Variants in CEP63 observed in about 807,000 individuals in gnomAD.
The protein encoded by CEP63 is centrosomal protein of 63 kDa.
CEP63 carries 84 observed loss-of-function variants against 89.1 expected under a neutral mutation model. That is an observed-to-expected ratio of 0.94 (90% confidence interval 0.79 to 1.13). CEP63 has a LOEUF of 1.13. Ranked by LOEUF, CEP63 falls within the 50% of genes most tolerant of loss-of-function variation. The probability of loss-of-function intolerance (pLI) is 0.00; values close to 1 mark genes in which losing one functional copy is unlikely to be tolerated. For missense variants in CEP63, 838 were observed against 813.3 expected (o/e 1.03, Z -0.37); for synonymous variants, 267 against 272.5 (o/e 0.98, Z 0.20).
downstream of CEP63, among the ~76,000 whole-genome samples, chr3:134,588,391 C>T (rs541458125): frequency 6.6e-6 from 1 of 152,108 alleles, no homozygotes; most frequent in East Asian, 1.9e-4. Flanking sequence ...TAATCCTTGA[C>T]TGAGTAGAAT....
At chr3:134,546,801 C>T (rs1953447037) in intron 8 of CEP63, among the ~76,000 whole-genome samples, 1 of 152,136 alleles carries the variant, frequency 6.6e-6, no homozygotes, top group East Asian at 1.9e-4. Flanking sequence ...CAGTTAGGGT[C>T]CCTAACAGAG....
chr3:134,583,721 T>G (rs928282445), intron 10 of CEP63, among the ~76,000 whole-genome samples: 3 of 152,156 alleles, frequency 2.0e-5, no homozygotes, highest in Admixed American at 1.3e-4. Context: ...GTGAAGAAAG[T>G]CATTGGTAGC....
chr3:134,647,412 T>A, the CEP63 span: 6 of 1,573,140 alleles, frequency 3.8e-6, no homozygotes, highest in Non-Finnish European at 4.4e-6. Context: ...ATCCTATAGG[T>A]TGAAAGGAAA....
At chr3:134,489,109 C>T (rs544745802) in intron 1 of CEP63, among the ~76,000 whole-genome samples, 9 of 148,086 alleles carry the variant, frequency 6.1e-5, no homozygotes, top group Non-Finnish European at 1.3e-4. Flanking sequence ...TGCAGTGAGC[C>T]GAGATCACGC....
chr3:134,665,307 G>T, the CEP63 span, among the ~76,000 whole-genome samples: 1 of 152,202 alleles, frequency 6.6e-6, no homozygotes, highest in East Asian at 1.9e-4. Flanking sequence ...AAAGGCTACT[G>T]CATGCAAGGC....
At chr3:134,671,838 G>T in the CEP63 span, among the ~76,000 whole-genome samples, 1 of 152,148 alleles carries the variant, frequency 6.6e-6, no homozygotes, top group South Asian at 2.1e-4. Context: ...GGACATTTTA[G>T]TTGGTGGCGA....
chr3:134,558,629 C>A (rs1956739779), intron 13 of CEP63, among the ~76,000 whole-genome samples: 1 of 152,214 alleles, frequency 6.6e-6, no homozygotes, highest in Non-Finnish European at 1.5e-5. Context: ...ACCTCTTCAA[C>A]CCCATTTGCC....
At chr3:134,538,805 A>G (rs780515337) in intron 6 of CEP63, among the ~76,000 whole-genome samples, 8 of 151,758 alleles carry the variant, frequency 5.3e-5, no homozygotes, top group Non-Finnish European at 1.2e-4. Flanking sequence ...TTATTTATCC[A>G]TGGAGTATTA....
At chr3:134,593,687 C>T in the CEP63 span, among the ~76,000 whole-genome samples, 8 of 152,306 alleles carry the variant, frequency 5.3e-5, no homozygotes, top group South Asian at 1.7e-3. Context: ...TGGCTCCTGA[C>T]CACACAAGAC....
chr3:134,668,880 A>T, the CEP63 span, among the ~76,000 whole-genome samples: 1 of 151,474 alleles, frequency 6.6e-6, no homozygotes, highest in African/African-American at 2.4e-5. Context: ...CACCACCTTC[A>T]CTCCCAACCC....
the CEP63 span, among the ~76,000 whole-genome samples, chr3:134,683,234 T>A: frequency 3.3e-5 from 5 of 152,232 alleles, no homozygotes; most frequent in Non-Finnish European, 5.9e-5. Context: ...ATGATTAAAC[T>A]TTGTAAAGTT....
the CEP63 span, among the ~76,000 whole-genome samples, chr3:134,672,231 G>A: frequency 2.0e-4 from 30 of 152,288 alleles, no homozygotes; most frequent in Admixed American, 5.9e-4. Context: ...AGCTAAAAAT[G>A]AGTAATAATA....
intron 2 of CEP63, among the ~76,000 whole-genome samples, chr3:134,506,789 A>T (rs781298996): frequency 6.6e-6 from 1 of 151,882 alleles, no homozygotes; most frequent in Non-Finnish European, 1.5e-5. Flanking sequence ...ATGGTGGCGC[A>T]TGCCTGTAAT....
Position 134,558,430 on chromosome 3 carries a change from G to A in CEP63, c.1673+83G>A, listed in dbSNP as rs999714822. 24 of 983,850 alleles carry A rather than the reference G, an allele frequency of 2.4e-5. No homozygotes were observed. In the African/African-American group the frequency reaches 3.6e-4, roughly 15 times the overall value. The allele number at this position is 983,850 out of a possible 1,614,324, so 60.9% of individuals were successfully genotyped here. On this transcript the variant is annotated intron_variant, in intron 13 of 14. Transcript: ENST00000675561. ...CTTTGAGAATAATTTTTGACTTACA[G>A]AAATTAAATCTTCATCAAAGGACTC... is the stretch of plus-strand genomic sequence containing the variant.
At chr3:134,698,112 C>T in the CEP63 span, among the ~76,000 whole-genome samples, 690 of 152,354 alleles carry the variant, frequency 4.5e-3, 3 homozygotes, top group African/African-American at 0.015. Flanking sequence ...TGACACCCCA[C>T]GGCACAGCAT....
chr3:134,610,075 G>A, the CEP63 span: 7 of 1,073,634 alleles, frequency 6.5e-6, no homozygotes, highest in Non-Finnish European at 9.5e-6. Flanking sequence ...GAGTGGGCAT[G>A]GGGCCTCCTG....
chr3:134,512,027 A>G (rs1945092176), intron 3 of CEP63, among the ~76,000 whole-genome samples: 2 of 152,252 alleles, frequency 1.3e-5, no homozygotes, highest in African/African-American at 2.4e-5. Flanking sequence ...CATTGTAGAG[A>G]GCAAAACCCC....
At chr3:134,540,235 T>C (rs948708819) in intron 6 of CEP63, among the ~76,000 whole-genome samples, 2 of 152,204 alleles carry the variant, frequency 1.3e-5, no homozygotes, top group South Asian at 4.1e-4. Flanking sequence ...ATTTTTCCTT[T>C]TTAAATATGA....
At chr3:134,638,226 T>A in the CEP63 span, among the ~76,000 whole-genome samples, 1 of 152,190 alleles carries the variant, frequency 6.6e-6, no homozygotes, top group Non-Finnish European at 1.5e-5. Context: ...CAATATAGCT[T>A]TATGCTTCCT....
Sources: allele counts gnomAD v4.1 joint callset (sites outside exome capture counted in the v4.1 genomes callset), GRCh38; gene constraint gnomAD v4.1.1; transcripts MANE v1.5; gene names NCBI Gene and HGNC (gene_info 2026-07-23, HGNC 2026-07-21).